The following TMEM40 variants were observed in gnomAD, a reference collection of about 807,000 sequenced individuals.
TMEM40 encodes transmembrane protein 40.
In TMEM40, 34 loss-of-function variants were observed where a neutral mutation model predicts 40.8. That is an observed-to-expected ratio of 0.83 (90% CI 0.63 to 1.11). The LOEUF is 1.11. Ranked by LOEUF, TMEM40 falls within the 50% of genes least tolerant of loss-of-function variation. The pLI is 0.00. For synonymous variants in TMEM40, 106 were observed against 107.0 expected (o/e 0.99, Z 0.06); for missense variants, 296 against 280.2 (o/e 1.06, Z -0.40).
chr3:12,736,149 A>AT (rs553779357), intron 10 of TMEM40, among the ~76,000 whole-genome samples: 39,740 of 141,002 alleles, frequency 0.28, 8,063 homozygotes, highest in African/African-American at 0.58. Flanking sequence ...GCATAAGGAA[A>AT]TTTTTTTTTT....
intron 4 of TMEM40, 143 bp from the exon 5 acceptor site, chr3:12,742,650 C>A: frequency 2.3e-6 from 2 of 875,984 alleles, no homozygotes; most frequent in Non-Finnish European, 3.5e-6. Context: ...GGAGGCAAGG[C>A]AGCACAAGTA....
chr3:12,767,587 G>A (rs2061599691), intron 1 of TMEM40, among the ~76,000 whole-genome samples: 1 of 152,150 alleles, frequency 6.6e-6, no homozygotes, highest in South Asian at 2.1e-4. Context: ...TGAGCCCTGG[G>A]TCCCTACAGG....
chr3:12,744,566 C>A (rs1317010754), intron 3 of TMEM40, among the ~76,000 whole-genome samples: 1 of 152,190 alleles, frequency 6.6e-6, no homozygotes, highest in African/African-American at 2.4e-5. Flanking sequence ...TTGTGATGTG[C>A]CTCTCTCCAA....
rs1379543055 is a variant in TMEM40 at position 12,733,638 on chromosome 3, G to T, written c.*1136C>A. 1 of 151,968 alleles carries T rather than the reference G, an allele frequency of 6.6e-6. No homozygotes were observed. Among genetic ancestry groups the T allele is most frequent in the Non-Finnish European group, 1.5e-5 (1 of 67,990 alleles). 9.4% of individuals were successfully genotyped at this position (151,968 alleles called of 1,614,324 possible). A position where few individuals can be genotyped will look rare whatever the true frequency, so the allele number is the denominator to read the frequency against. ...AGTACTTGAAATCAAAACCTCAGAA[G>T]TTACCCTTCTGAGTTTTGAGAACAG... On this transcript the variant is annotated 3_prime_UTR_variant, in exon 12 of 12. Coordinates refer to ENST00000314124, the MANE Select transcript of TMEM40 (RefSeq NM_018306.4).
intron 3 of TMEM40, among the ~76,000 whole-genome samples, chr3:12,746,240 AG>A (rs761566957): frequency 1.2e-4 from 18 of 150,624 alleles, no homozygotes; most frequent in Non-Finnish European, 1.5e-4. Context: ...TAACCGCGGC[AG>A]AAAGATTCAC....
intron 10 of TMEM40, among the ~76,000 whole-genome samples, chr3:12,735,854 A>G (rs1257255507): frequency 6.6e-6 from 1 of 152,108 alleles, no homozygotes; most frequent in Non-Finnish European, 1.5e-5. Flanking sequence ...CCATTAACTA[A>G]CTTGTTTTCA....
At chr3:12,748,876 T>G in intron 2 of TMEM40, 84 bp from the exon 3 acceptor site, 1 of 1,255,888 alleles carries the variant, frequency 8.0e-7, no homozygotes, top group Non-Finnish European at 1.1e-6. Context: ...AGGGTTCTAC[T>G]TGGATTTGGA....
chr3:12,735,530 A>G, intron 11 of TMEM40, 25 bp downstream of exon 11: 1 of 1,609,098 alleles, frequency 6.2e-7, no homozygotes, highest in Non-Finnish European at 8.5e-7. Context: ...AAAATGAGTG[A>G]ACACAGGAAG....
chr3:12,765,365 T>C (rs2061589692), intron 1 of TMEM40, among the ~76,000 whole-genome samples: 1 of 151,974 alleles, frequency 6.6e-6, no homozygotes, highest in African/African-American at 2.4e-5. Context: ...GGGCTGTCGA[T>C]GGGAACACCA....
chr3:12,754,093 A>T (rs1439833319), intron 1 of TMEM40, among the ~76,000 whole-genome samples: 2 of 152,176 alleles, frequency 1.3e-5, no homozygotes, highest in African/African-American at 2.4e-5. Context: ...CTTTCATCAC[A>T]TCAGGTCAGG....
chr3:12,765,960 G>A (rs1471425962), intron 1 of TMEM40, among the ~76,000 whole-genome samples: 1 of 151,992 alleles, frequency 6.6e-6, no homozygotes, highest in Admixed American at 6.6e-5. Flanking sequence ...GCGTTCAAGC[G>A]ATTCTCCCAC....
upstream of TMEM40, among the ~76,000 whole-genome samples, chr3:12,763,984 C>T (rs1259615849): frequency 5.3e-5 from 8 of 152,114 alleles, no homozygotes; most frequent in African/African-American, 1.7e-4. Flanking sequence ...GGCGTGATTT[C>T]GGCTCACTGC....
chr3:12,738,539 A>G lies in TMEM40; in HGVS notation c.391+14T>C. ...CCAGCACCAACGACCTCTCTCCTCT[A>G]ACTGGACACTCACCTGATTCCCCAG... is the stretch of plus-strand genomic sequence containing the variant. On this transcript the variant is annotated intron_variant, in intron 6 of 11. Coordinates refer to ENST00000314124, the MANE Select transcript of TMEM40 (RefSeq NM_018306.4). 6.2e-7 allele frequency: 1 copy of G among 1,613,910 alleles called. No individual in the cohort carries two copies. Among genetic ancestry groups the G allele is most frequent in the East Asian group, 2.2e-5 (1 of 44,872 alleles).
intron 1 of TMEM40, among the ~76,000 whole-genome samples, chr3:12,768,578 T>A (rs1025942182): frequency 5.8e-4 from 88 of 151,732 alleles, no homozygotes; most frequent in South Asian, 5.6e-3. Flanking sequence ...GACTGGTGCA[T>A]CCACAAACCC....
upstream of TMEM40, among the ~76,000 whole-genome samples, chr3:12,760,372 C>G (rs1212077152): frequency 6.6e-6 from 1 of 152,142 alleles, no homozygotes; most frequent in Admixed American, 6.5e-5. Flanking sequence ...ACACCTCTGG[C>G]CCTCTCTGAC....
At chr3:12,742,331 TCTC>T in intron 5 of TMEM40, 120 bp downstream of exon 5, 1 of 1,110,716 alleles carries the variant, frequency 9.0e-7, no homozygotes, top group Non-Finnish European at 1.3e-6. Context: ...ACTGGCCACA[TCTC>T]CTGTATTTGG....
intron 3 of TMEM40, among the ~76,000 whole-genome samples, chr3:12,747,071 C>A (rs1288061983): frequency 6.6e-6 from 1 of 151,978 alleles, no homozygotes; most frequent in Non-Finnish European, 1.5e-5. Flanking sequence ...AGACTGGCTA[C>A]AAACAAACCC....
chr3:12,754,229 G>A (rs544684146), intron 1 of TMEM40, among the ~76,000 whole-genome samples: 12 of 152,192 alleles, frequency 7.9e-5, no homozygotes, highest in African/African-American at 9.6e-5. Context: ...GGAGAATGGC[G>A]TGAACCCGGG....
chr3:12,738,689 A>C (rs1310902081), intron 5 of TMEM40, 101 bp from the exon 6 acceptor site: 2 of 1,320,830 alleles, frequency 1.5e-6, no homozygotes, highest in African/African-American at 2.9e-5. Context: ...CTTCCCACTT[A>C]ATCTGGAGTC....
Sources: allele counts gnomAD v4.1 joint callset (sites outside exome capture counted in the v4.1 genomes callset), GRCh38; gene constraint gnomAD v4.1.1; transcripts MANE v1.5; gene names NCBI Gene and HGNC (gene_info 2026-07-23, HGNC 2026-07-21).